The following SLC9A9 variants were observed in gnomAD, a reference collection of about 807,000 sequenced individuals.
The protein encoded by SLC9A9 is sodium/hydrogen exchanger 9.
SLC9A9 carries 62 observed loss-of-function variants against 77.8 expected under a neutral mutation model. That is an observed-to-expected ratio of 0.80 (90% CI 0.65 to 0.98). The LOEUF (loss-of-function observed/expected upper bound fraction) is 0.98, where lower values mean the gene tolerates loss of function less well. SLC9A9 is among the 50% of genes least tolerant of loss of function. The pLI is 0.00. For missense variants in SLC9A9, 775 were observed against 774.9 expected, an observed-to-expected ratio of 1.00 and a Z score of 0.00; for synonymous variants, 320 against 283.5, an observed-to-expected ratio of 1.13 and a Z score of -1.29.
At chr3:143,442,609 T>C (rs1313576829) in intron 12 of SLC9A9, among the ~76,000 whole-genome samples, 1 of 152,080 alleles carries the variant, frequency 6.6e-6, no homozygotes, top group Non-Finnish European at 1.5e-5. Flanking sequence ...TAATCCCAGC[T>C]ACTTGGGAGG....
intron 14 of SLC9A9, among the ~76,000 whole-genome samples, chr3:143,312,725 T>C (rs1283096765): frequency 6.6e-6 from 1 of 152,204 alleles, no homozygotes; most frequent in Admixed American, 6.5e-5. Context: ...CCACCACCTG[T>C]TCATCCTTCA....
At chr3:143,413,599 C>T (rs2108521508) in intron 12 of SLC9A9, among the ~76,000 whole-genome samples, 1 of 152,236 alleles carries the variant, frequency 6.6e-6, no homozygotes, top group African/African-American at 2.4e-5. Context: ...CACCTGTCAC[C>T]AGACCTCTAT....
chr3:143,456,175 C>G (rs533214940), intron 12 of SLC9A9, among the ~76,000 whole-genome samples: 6 of 151,940 alleles, frequency 3.9e-5, no homozygotes, highest in Non-Finnish European at 5.9e-5. Context: ...TCATGTTTTT[C>G]TTTTATCTGC....
intron 12 of SLC9A9, among the ~76,000 whole-genome samples, chr3:143,390,080 C>T (rs978144118): frequency 3.3e-5 from 5 of 152,208 alleles, no homozygotes; most frequent in African/African-American, 1.2e-4. Context: ...GGACTTGTCT[C>T]ATTACCAAAT....
intron 14 of SLC9A9, among the ~76,000 whole-genome samples, chr3:143,312,574 C>G (rs1180711372): frequency 1.3e-5 from 2 of 152,202 alleles, no homozygotes; most frequent in African/African-American, 4.8e-5. Context: ...GCTTTTCTTT[C>G]TAGTAGCTGA....
Position 143,495,349 on chromosome 3 carries a change from T to C in SLC9A9, c.1189A>G (p.Ile397Val). Residue 397 changes from isoleucine (I) to valine (V), a missense_variant, in exon 10 of 16, where the codon ATA (isoleucine) becomes GTA (valine). Ile to Val is a conservative substitution (Grantham distance 29, BLOSUM62 3). Transcript: ENST00000316549. The part of the protein sequence containing the change: ...FQNHIFNALF[I>V]LGAFLAIFVA... The stretch of plus-strand genomic sequence containing the variant: ...TCAAAGGATACAAAGGCTCCAAGTA[T>C]AAAAAGAGCATTAAAGATATGATTC... 6.2e-7 allele frequency: 1 copy of C among 1,613,482 alleles called. No homozygotes were observed. Among genetic ancestry groups the C allele is most frequent in the Non-Finnish European group, 8.5e-7 (1 of 1,179,436 alleles).
intron 7 of SLC9A9, among the ~76,000 whole-genome samples, chr3:143,578,218 G>T (rs1359894409): frequency 6.6e-6 from 1 of 152,156 alleles, no homozygotes; most frequent in Non-Finnish European, 1.5e-5. Flanking sequence ...TTAATCAATT[G>T]TCTTATTCTT....
At chr3:143,644,653 C>A (rs930368788) in intron 6 of SLC9A9, among the ~76,000 whole-genome samples, 1 of 152,110 alleles carries the variant, frequency 6.6e-6, no homozygotes. Flanking sequence ...TTTAAAGATC[C>A]CAGGGTGGCC....
chr3:143,828,148 C>T (rs1226765767), intron 2 of SLC9A9, among the ~76,000 whole-genome samples: 1 of 152,186 alleles, frequency 6.6e-6, no homozygotes, highest in Admixed American at 6.5e-5. Context: ...CATGTATTTT[C>T]TCTGGACATT....
intron 12 of SLC9A9, among the ~76,000 whole-genome samples, chr3:143,426,067 G>C (rs1030752197): frequency 1.3e-5 from 2 of 151,766 alleles, no homozygotes; most frequent in Non-Finnish European, 2.9e-5. Context: ...TTTGAAGGAA[G>C]AAAGAAGAAC....
chr3:143,436,567 G>C (rs977346105), intron 12 of SLC9A9, among the ~76,000 whole-genome samples: 1 of 152,214 alleles, frequency 6.6e-6, no homozygotes, highest in African/African-American at 2.4e-5. Flanking sequence ...GCAAAGTCTT[G>C]CCTTCTTCCT....
At chr3:143,284,089 C>T (rs539342934) in intron 14 of SLC9A9, among the ~76,000 whole-genome samples, 2 of 151,672 alleles carry the variant, frequency 1.3e-5, no homozygotes, top group Admixed American at 1.3e-4. Context: ...TAAGCCAAAC[C>T]CGTGGCAGGA....
intron 4 of SLC9A9, among the ~76,000 whole-genome samples, chr3:143,707,595 C>G (rs914132919): frequency 3.3e-5 from 5 of 152,138 alleles, no homozygotes; most frequent in Non-Finnish European, 7.3e-5. Flanking sequence ...TAAAATGTCT[C>G]TGACAGAATA....
rs16854417 is a variant in SLC9A9 at position 143,826,920 on chromosome 3, G to A, written c.378+5099C>T. ...GGTTCTTGTCCCACTTTTTTGATAC[G>A]TGCCTTTAGTGTTACTCATTCATTT... is the stretch of plus-strand genomic sequence containing the variant. On this transcript the variant is annotated intron_variant, in intron 2 of 15. Coordinates refer to ENST00000316549, the MANE Select transcript of SLC9A9 (RefSeq NM_173653.4). Among the ~76,000 whole-genome samples, 18 of 152,044 alleles carry A rather than the reference G, an allele frequency of 1.2e-4. No homozygotes were observed. In the South Asian group the frequency reaches 2.1e-3, roughly 18 times the overall value.
At chr3:143,515,354 C>A (rs2036187836) in intron 9 of SLC9A9, among the ~76,000 whole-genome samples, 1 of 152,088 alleles carries the variant, frequency 6.6e-6, no homozygotes, top group African/African-American at 2.4e-5. Flanking sequence ...TGAGCACATG[C>A]TGCTGGAAAG....
chr3:143,775,624 G>T (rs1484078437), intron 4 of SLC9A9, among the ~76,000 whole-genome samples: 1 of 152,130 alleles, frequency 6.6e-6, no homozygotes, highest in Non-Finnish European at 1.5e-5. Flanking sequence ...ACCATTTACC[G>T]GGTATAATTG....
At chr3:143,391,174 T>C (rs368268354) in intron 12 of SLC9A9, among the ~76,000 whole-genome samples, 2 of 152,222 alleles carry the variant, frequency 1.3e-5, no homozygotes, top group Non-Finnish European at 2.9e-5. Flanking sequence ...CCCTGACCCC[T>C]GAGTAGCCTA....
chr3:143,354,458 A>C (rs961766038), intron 14 of SLC9A9, among the ~76,000 whole-genome samples: 3 of 152,234 alleles, frequency 2.0e-5, no homozygotes, highest in Non-Finnish European at 4.4e-5. Context: ...TCATAGCTTC[A>C]CATGCAGACA....
chr3:143,359,226 T>C (rs570098703), intron 14 of SLC9A9, among the ~76,000 whole-genome samples: 1 of 152,272 alleles, frequency 6.6e-6, no homozygotes, highest in African/African-American at 2.4e-5. Flanking sequence ...CAACAAATAT[T>C]TATTGAGTGT....
Sources: gnomAD v4.1 joint callset for allele counts (sites outside exome capture counted in the v4.1 genomes callset) on GRCh38, gnomAD v4.1.1 for gene constraint, MANE v1.5 for transcripts, NCBI Gene and HGNC (gene_info 2026-07-23, HGNC 2026-07-21) for gene names.